KIF6: variants seen among roughly 807,000 people sequenced by gnomAD.
The protein encoded by KIF6 is kinesin family member 6.
A neutral mutation model predicts 112.7 loss-of-function variants in KIF6; 106 were observed. That is an observed-to-expected ratio of 0.94 (90% CI 0.80 to 1.11). The LOEUF (loss-of-function observed/expected upper bound fraction) is 1.11, where lower values mean the gene tolerates loss of function less well. Ranked by LOEUF, KIF6 falls within the 50% of genes least tolerant of loss-of-function variation. The pLI is 0.00. For missense variants in KIF6, 929 were observed against 964.0 expected (o/e 0.96, Z 0.48); for synonymous variants, 339 against 339.9 (o/e 1.00, Z 0.03).
chr6:39,715,992 A>C (rs1245892661), intron 2 of KIF6, among the ~76,000 whole-genome samples: 3 of 151,984 alleles, frequency 2.0e-5, no homozygotes, highest in South Asian at 4.1e-4. Flanking sequence ...TTTGAGGAGA[A>C]TGATGATAAC....
chr6:39,505,681 C>G (rs970555313), intron 13 of KIF6, among the ~76,000 whole-genome samples: 1 of 152,128 alleles, frequency 6.6e-6, no homozygotes, highest in African/African-American at 2.4e-5. Flanking sequence ...CCCCATTAAA[C>G]AGTGGGCAAA....
intron 3 of KIF6, among the ~76,000 whole-genome samples, chr6:39,664,207 G>A (rs1023263559): frequency 7.2e-5 from 11 of 152,246 alleles, no homozygotes; most frequent in African/African-American, 2.6e-4. Context: ...GTTCAAGCTT[G>A]GTGTTTCAGG....
At chr6:39,613,167 C>T in intron 6 of KIF6, 22 bp downstream of exon 6, 3 of 1,546,364 alleles carry the variant, frequency 1.9e-6, no homozygotes, top group African/African-American at 1.4e-5. Context: ...GAAGAAACAG[C>T]TTGCAGAGAG....
At chr6:39,712,160 CTAAT>C (rs1288247244) in intron 3 of KIF6, among the ~76,000 whole-genome samples, 2 of 151,840 alleles carry the variant, frequency 1.3e-5, no homozygotes, top group Non-Finnish European at 2.9e-5. Flanking sequence ...GTTAAAGTAA[CTAAT>C]TAAAGATCAA....
intron 6 of KIF6, among the ~76,000 whole-genome samples, chr6:39,612,163 C>G (rs1291106569): frequency 6.6e-6 from 1 of 152,148 alleles, no homozygotes; most frequent in African/African-American, 2.4e-5. Context: ...ATTGGTCTAT[C>G]TTGCGTCTAA....
chr6:39,677,847 A>G (rs1172396983), intron 3 of KIF6, among the ~76,000 whole-genome samples: 1 of 138,744 alleles, frequency 7.2e-6, no homozygotes, highest in Non-Finnish European at 1.5e-5. Context: ...CCATGTCCCT[A>G]CAAAGGATAT....
At chr6:39,581,659 A>AT (rs376214187) in intron 9 of KIF6, among the ~76,000 whole-genome samples, 2,888 of 148,070 alleles carry the variant, frequency 0.02, 39 homozygotes, top group Middle Eastern at 0.056. Context: ...TAGTGGATAG[A>AT]TTTTTTTTTT....
intron 3 of KIF6, chr6:39,690,363 C>T (rs1289393829): frequency 6.6e-6 from 1 of 151,932 alleles, no homozygotes; most frequent in African/African-American, 2.4e-5. Flanking sequence ...GCATATGAGT[C>T]CTTGAATAAG....
intron 14 of KIF6, among the ~76,000 whole-genome samples, chr6:39,424,446 T>C (rs890275069): frequency 2.6e-5 from 4 of 152,246 alleles, no homozygotes; most frequent in Non-Finnish European, 4.4e-5. Flanking sequence ...AATTCACTCT[T>C]TTCTCTGGGG....
Position 39,346,621 on chromosome 6 carries a change from T to C in KIF6, c.2181-95A>G, listed in dbSNP as rs1763829304. 4 of 597,126 alleles carry C rather than the reference T, an allele frequency of 6.7e-6. 1 individual carries two copies. The South Asian group carries it at 8.5e-5, about 13-fold the overall frequency. 37.0% of individuals were successfully genotyped at this position (597,126 alleles called of 1,614,324 possible). ...ACTAAGACAAGAGCCAAGAGTCCTG[T>C]CTTGGATGGTTTACACAGTAATTTT... On this transcript the variant is annotated intron_variant, in intron 19 of 22. Transcript: ENST00000287152.
chr6:39,442,896 G>C (rs1230553996), intron 13 of KIF6, among the ~76,000 whole-genome samples: 1 of 151,972 alleles, frequency 6.6e-6, no homozygotes, highest in East Asian at 1.9e-4. Context: ...GGCGGATCAT[G>C]AGGTCAGGAG....
At chr6:39,350,089 G>A (rs1367809504) in intron 19 of KIF6, among the ~76,000 whole-genome samples, 1 of 152,120 alleles carries the variant, frequency 6.6e-6, no homozygotes, top group African/African-American at 2.4e-5. Context: ...AGGGAATTCT[G>A]GGTTTCCACA....
intron 13 of KIF6, among the ~76,000 whole-genome samples, chr6:39,434,178 C>A (rs988331545): frequency 4.6e-5 from 7 of 152,028 alleles, no homozygotes; most frequent in African/African-American, 1.7e-4. Flanking sequence ...TTATATTAGG[C>A]ATTGTGCTAG....
rs906458427 is a variant in KIF6, at chr6:39,654,677, T to C, written c.252-14920A>G. Among the ~76,000 whole-genome samples, 16 of 152,238 alleles carry C rather than the reference T, an allele frequency of 1.1e-4. No individual in the cohort carries two copies. The South Asian group carries it at 2.7e-3, about 26-fold the overall frequency. Reference sequence around the variant, plus strand: ...CCTCCTCATCCTCCAACTTTCACCATAGTTATCGCTGTTAGTTATCCCTTT... The same window carrying C: ...CCTCCTCATCCTCCAACTTTCACCACAGTTATCGCTGTTAGTTATCCCTTT... On this transcript the variant is annotated intron_variant, in intron 3 of 22. Transcript: ENST00000287152.
intron 2 of KIF6, among the ~76,000 whole-genome samples, chr6:39,716,193 T>C (rs764512013): frequency 2.0e-5 from 3 of 152,256 alleles, no homozygotes; most frequent in Admixed American, 6.5e-5. Context: ...AAATTAATGA[T>C]AGCATTTTCA....
At chr6:39,620,697 A>G (rs1783765754) in intron 5 of KIF6, among the ~76,000 whole-genome samples, 1 of 152,166 alleles carries the variant, frequency 6.6e-6, no homozygotes, top group Admixed American at 6.5e-5. Context: ...CAGATTTGTC[A>G]TAAAATTATA....
intron 13 of KIF6, among the ~76,000 whole-genome samples, chr6:39,437,133 G>T (rs1771583568): frequency 6.6e-6 from 1 of 151,882 alleles, no homozygotes; most frequent in Admixed American, 6.6e-5. Flanking sequence ...TGTGGCTATT[G>T]TAAAAGGGAT....
chr6:39,365,087 C>T (rs1328701875), intron 16 of KIF6, among the ~76,000 whole-genome samples: 1 of 152,172 alleles, frequency 6.6e-6, no homozygotes, highest in Non-Finnish European at 1.5e-5. Flanking sequence ...TATTCTGTCA[C>T]GCCATTATTC....
chr6:39,712,178 C>T (rs1043118679), intron 3 of KIF6, among the ~76,000 whole-genome samples: 1 of 152,034 alleles, frequency 6.6e-6, no homozygotes, highest in African/African-American at 2.4e-5. Flanking sequence ...AGATCAAGAA[C>T]TGTGGGTTTA....
Sources: gnomAD v4.1 joint callset for allele counts (sites outside exome capture counted in the v4.1 genomes callset) on GRCh38, gnomAD v4.1.1 for gene constraint, MANE v1.5 for transcripts, NCBI Gene and HGNC (gene_info 2026-07-23, HGNC 2026-07-21) for gene names.